MAP7: variants seen among roughly 807,000 people sequenced by gnomAD.
The protein encoded by MAP7 is microtubule associated protein 7, also known as ensconsin.
In MAP7, 52 loss-of-function variants were observed where a neutral mutation model predicts 94.8. The ratio of observed to expected loss-of-function variants is 0.55; its 90% CI spans 0.44 to 0.69. The LOEUF is 0.69. Among genes scored for constraint, MAP7 ranks in the 30% least tolerant of loss-of-function variants. MAP7 has a pLI of 0.00. For missense variants in MAP7, 940 were observed against 964.6 expected, an observed-to-expected ratio of 0.97 and a Z score of 0.34; for synonymous variants, 350 against 357.0, an observed-to-expected ratio of 0.98 and a Z score of 0.22.
rs538085994 is a variant in MAP7 at position 136,409,141 on chromosome 6, C to G, written c.244+2479G>C. Among the ~76,000 whole-genome samples, 13 of 151,858 alleles carry G rather than the reference C, an allele frequency of 8.6e-5. No homozygotes were observed. The South Asian group carries it at 2.3e-3, about 27-fold the overall frequency. ...AAAAAATTAGAATGGATATATTTTC[C>G]TTAAAATTATGACTCTGACAATTGA... On this transcript the variant is annotated intron_variant, in intron 3 of 17. Transcript: ENST00000354570.
chr6:136,510,888 T>C (rs1823066313), intron 1 of MAP7, among the ~76,000 whole-genome samples: 1 of 151,954 alleles, frequency 6.6e-6, no homozygotes, highest in Non-Finnish European at 1.5e-5. Flanking sequence ...GACTACTGCG[T>C]ATGGAAACAT....
chr6:136,526,271 G>GCA, intron 1 of MAP7: 1 of 1,045,438 alleles, frequency 9.6e-7, no homozygotes, highest in East Asian at 7.9e-5. Flanking sequence ...GCACGTACAC[G>GCA]CGCGCGCACA....
At chr6:136,512,904 T>C (rs1823692260) in intron 1 of MAP7, among the ~76,000 whole-genome samples, 1 of 151,284 alleles carries the variant, frequency 6.6e-6, no homozygotes, top group African/African-American at 2.4e-5. Flanking sequence ...CAACCACAGG[T>C]CACTGCAGTC....
chr6:136,494,191 T>C (rs956342082), intron 1 of MAP7, among the ~76,000 whole-genome samples: 1 of 152,168 alleles, frequency 6.6e-6, no homozygotes, highest in Non-Finnish European at 1.5e-5. Flanking sequence ...TACCTAGAAA[T>C]AGACTGTTAC....
intron 1 of MAP7, among the ~76,000 whole-genome samples, chr6:136,474,993 C>T (rs546284660): frequency 2.6e-4 from 40 of 152,214 alleles, no homozygotes; most frequent in African/African-American, 7.9e-4. Flanking sequence ...TGGGATTACA[C>T]GCATGAGCCA....
chr6:136,385,386 A>G (rs1213269254), intron 5 of MAP7, among the ~76,000 whole-genome samples: 2 of 152,236 alleles, frequency 1.3e-5, no homozygotes, highest in Non-Finnish European at 2.9e-5. Flanking sequence ...CCTAGTGATG[A>G]CATGTGAGGT....
intron 16 of MAP7, among the ~76,000 whole-genome samples, chr6:136,351,051 G>C (rs187094081): frequency 1.3e-5 from 2 of 151,904 alleles, no homozygotes; most frequent in Non-Finnish European, 2.9e-5. Context: ...ATAGCCCCTC[G>C]AGAAAACAGG....
intron 16 of MAP7, among the ~76,000 whole-genome samples, chr6:136,351,628 A>C (rs1789236520): frequency 6.6e-6 from 1 of 152,318 alleles, no homozygotes; most frequent in East Asian, 1.9e-4. Context: ...CCTCAACCCC[A>C]TATTCATGCT....
chr6:136,381,167 C>T (rs925498181), intron 6 of MAP7, among the ~76,000 whole-genome samples: 1 of 152,066 alleles, frequency 6.6e-6, no homozygotes, highest in Admixed American at 6.6e-5. Context: ...ACTTAAATTT[C>T]TTTTATTTAT....
At chr6:136,441,225 T>A (rs988961736) in intron 1 of MAP7, among the ~76,000 whole-genome samples, 1 of 152,240 alleles carries the variant, frequency 6.6e-6, no homozygotes, top group African/African-American at 2.4e-5. Flanking sequence ...TAAAATAAGC[T>A]TAAAGTCTTA....
chr6:136,363,515 C>T (rs1361776612), intron 10 of MAP7, among the ~76,000 whole-genome samples: 1 of 152,234 alleles, frequency 6.6e-6, no homozygotes, highest in Non-Finnish European at 1.5e-5. Flanking sequence ...TCTTTCCTTC[C>T]TTTTTCCATG....
At chr6:136,369,394 C>A (rs749447365) in intron 8 of MAP7, among the ~76,000 whole-genome samples, 5 of 151,978 alleles carry the variant, frequency 3.3e-5, no homozygotes, top group Non-Finnish European at 7.4e-5. Context: ...GCCTACATGG[C>A]GAAACCCTCT....
chr6:136,505,271 GTGTGTGTATATATA>G (rs933756576), intron 1 of MAP7, among the ~76,000 whole-genome samples: 8 of 95,470 alleles, frequency 8.4e-5, no homozygotes, highest in East Asian at 4.7e-4. Context: ...GTGTGTGTGT[GTGTGTGTATATATA>G]TATATATATA....
At chr6:136,359,081 G>C (rs1366523077) in intron 15 of MAP7, among the ~76,000 whole-genome samples, 1 of 151,124 alleles carries the variant, frequency 6.6e-6, no homozygotes, top group Admixed American at 6.6e-5. Flanking sequence ...GATACAAAAA[G>C]GGCACTTAAT....
chr6:136,423,471 A>T (rs1792053816), intron 1 of MAP7, among the ~76,000 whole-genome samples: 1 of 152,184 alleles, frequency 6.6e-6, no homozygotes, highest in Non-Finnish European at 1.5e-5. Context: ...ACCTATGTTA[A>T]CTTGGTGACG....
At position 136,432,516 on chromosome 6, in the gene MAP7, C is replaced by T. The variant is rs1795232878; in HGVS notation, c.68-10717G>A. Among the ~76,000 whole-genome samples, 3 of 152,152 alleles carry T rather than the reference C, an allele frequency of 2.0e-5. No homozygotes were observed. The South Asian group carries it at 6.2e-4, about 32-fold the overall frequency. On this transcript the variant is annotated intron_variant, in intron 1 of 17. Coordinates refer to ENST00000354570, the MANE Select transcript of MAP7 (RefSeq NM_003980.6). ...TTCCATAGGAATTCAAACGCCTTAG[C>T]AGCCAGTGGAATTCTAAAAAGAATG...
At chr6:136,494,118 G>A (rs1422703290) in intron 1 of MAP7, among the ~76,000 whole-genome samples, 1 of 152,186 alleles carries the variant, frequency 6.6e-6, no homozygotes, top group Non-Finnish European at 1.5e-5. Flanking sequence ...CAGGCAATCA[G>A]TATCATTGCA....
intron 1 of MAP7, among the ~76,000 whole-genome samples, chr6:136,465,677 A>C (rs1431915127): frequency 1.3e-5 from 2 of 152,212 alleles, no homozygotes; most frequent in Admixed American, 6.5e-5. Context: ...CAGAACTAGT[A>C]AATGTCAGAG....
Position 136,431,170 on chromosome 6 carries a change from G to A in MAP7, c.68-9371C>T, listed in dbSNP as rs1331890790. Reference sequence around the variant, plus strand: ...TCCCTTTCCCATGAAATCTTTTTAAGCTATTCCTACCACCATCACATTTCT... The same window carrying A: ...TCCCTTTCCCATGAAATCTTTTTAAACTATTCCTACCACCATCACATTTCT... On this transcript the variant is annotated intron_variant, in intron 1 of 17. Coordinates refer to ENST00000354570, the MANE Select transcript of MAP7 (RefSeq NM_003980.6). Among the ~76,000 whole-genome samples, 2 of 152,128 alleles carry A rather than the reference G, an allele frequency of 1.3e-5. 1 individual carries two copies. Among genetic ancestry groups the A allele is most frequent in the African/African-American group, 4.8e-5 (2 of 41,420 alleles).
Sources: allele counts gnomAD v4.1 joint callset (sites outside exome capture counted in the v4.1 genomes callset), GRCh38; gene constraint gnomAD v4.1.1; transcripts MANE v1.5; gene names NCBI Gene and HGNC (gene_info 2026-07-23, HGNC 2026-07-21).